DHRS7B: variants seen among roughly 807,000 people sequenced by gnomAD.
The protein encoded by DHRS7B is dehydrogenase/reductase 7B.
Under a neutral mutation model 26.4 loss-of-function variants are expected in DHRS7B, and 24 were observed. The observed-to-expected ratio is 0.91, with a 90% confidence interval of 0.66 to 1.28. The LOEUF (loss-of-function observed/expected upper bound fraction) is 1.28. Ranked by LOEUF, DHRS7B falls within the 50% of genes most tolerant of loss-of-function variation. The probability of loss-of-function intolerance (pLI) is 0.00; values close to 1 mark genes in which losing one functional copy is unlikely to be tolerated. For missense variants in DHRS7B, 368 were observed against 419.4 expected (o/e 0.88, Z 1.07); for synonymous variants, 142 against 166.4 (o/e 0.85, Z 1.13).
At chr17:21,156,571 C>T (rs1973885345) in intron 1 of DHRS7B, among the ~76,000 whole-genome samples, 1 of 150,888 alleles carries the variant, frequency 6.6e-6, no homozygotes, top group African/African-American at 2.4e-5. Flanking sequence ...CACCACTGCA[C>T]TCTATCCTGG....
chr17:21,186,085 A>G (rs1338396209), intron 5 of DHRS7B, among the ~76,000 whole-genome samples: 1 of 152,232 alleles, frequency 6.6e-6, no homozygotes, highest in Non-Finnish European at 1.5e-5. Flanking sequence ...TAAGGCATAC[A>G]ATGGTTGGTC....
Position 21,135,922 on chromosome 17 carries a change from G to A in DHRS7B, c.20+8931G>A, listed in dbSNP as rs534308801. ...TTGAATAGCTTTAACTTTTTGCCTT[G>A]TGTGTCAGGAATGCAGTTTATTTTG... On this transcript the variant is annotated intron_variant, in intron 1 of 6. Coordinates refer to ENST00000395511, the MANE Select transcript of DHRS7B (RefSeq NM_015510.5). Among the ~76,000 whole-genome samples the A allele has an allele frequency of 3.9e-5, 6 of 152,268 alleles. No homozygotes were observed. The South Asian group carries it at 1.0e-3, about 26-fold the overall frequency.
intron 1 of DHRS7B, among the ~76,000 whole-genome samples, chr17:21,129,234 G>A (rs1033886606): frequency 6.6e-6 from 1 of 152,170 alleles, no homozygotes; most frequent in Non-Finnish European, 1.5e-5. Flanking sequence ...ACATAATGGA[G>A]TCACCGGCAT....
intron 5 of DHRS7B, among the ~76,000 whole-genome samples, chr17:21,187,713 A>G (rs1050667029): frequency 1.3e-5 from 2 of 151,636 alleles, no homozygotes; most frequent in African/African-American, 4.8e-5. Context: ...AGCACTGATT[A>G]TCTCTAGGAA....
At chr17:21,181,775 G>A (rs1324641849) in intron 3 of DHRS7B, among the ~76,000 whole-genome samples, 1 of 152,150 alleles carries the variant, frequency 6.6e-6, no homozygotes, top group Non-Finnish European at 1.5e-5. Context: ...TAGAAACACA[G>A]CTGATTTTTG....
At chr17:21,132,833 G>T (rs1973268771) in intron 1 of DHRS7B, among the ~76,000 whole-genome samples, 1 of 152,108 alleles carries the variant, frequency 6.6e-6, no homozygotes, top group Admixed American at 6.6e-5. Context: ...TAAGCTTAGG[G>T]ATCTCTTCAT....
At chr17:21,167,398 T>C (rs552639507) in intron 1 of DHRS7B, among the ~76,000 whole-genome samples, 3 of 152,282 alleles carry the variant, frequency 2.0e-5, no homozygotes, top group African/African-American at 7.2e-5. Context: ...GGGATGAAAA[T>C]ATAAGCAGAC....
chr17:21,140,022 CTTTTT>C (rs201900387), intron 1 of DHRS7B, among the ~76,000 whole-genome samples: 55 of 106,656 alleles, frequency 5.2e-4, no homozygotes, highest in East Asian at 1.1e-3. Context: ...CTTTCAGATT[CTTTTT>C]TTTTTTTTTT....
At chr17:21,177,555 A>T (rs1174818875) in intron 2 of DHRS7B, among the ~76,000 whole-genome samples, 2 of 152,104 alleles carry the variant, frequency 1.3e-5, no homozygotes, top group Non-Finnish European at 2.9e-5. Context: ...AGCAGGACTG[A>T]GCCTTTTCAA....
chr17:21,172,149 G>A lies in DHRS7B; in HGVS notation c.152G>A (p.Arg51Gln), dbSNP rs750583972. ...TGGGTGCGCGGGAAGGCCTACCTGCGGAATGCTGTGGTGGTGATCACAGGC... is the reference window on the plus strand; with the variant it reads ...TGGGTGCGCGGGAAGGCCTACCTGCAGAATGCTGTGGTGGTGATCACAGGC... ...LQWVRGKAYL[R>Q]NAVVVITGAT... is the part of the protein sequence containing the mutation. The change falls in exon 2 of 7, where the codon CGG becomes CAG. Residue 51 changes from arginine to glutamine, a missense_variant. Physicochemically the swap from Arg to Gln is conservative, Grantham distance 43 (BLOSUM62 1). Coordinates refer to ENST00000395511, the MANE Select transcript of DHRS7B (RefSeq NM_015510.5). 23 of 1,613,798 alleles carry A rather than the reference G, an allele frequency of 1.4e-5. No individual in the cohort carries two copies. Among genetic ancestry groups the A allele is most frequent in the Admixed American group, 1.0e-4 (6 of 59,974 alleles).
chr17:21,136,747 G>C lies in DHRS7B; in HGVS notation c.20+9756G>C, dbSNP rs531040656. On this transcript the variant is annotated intron_variant, in intron 1 of 6. Transcript: ENST00000395511. Reference sequence around the variant, plus strand: ...ATTTTTGTATTTTTAGTAGAGACAGGGTTTCACCATGTTAGCCAGACTGGT... The same window carrying C: ...ATTTTTGTATTTTTAGTAGAGACAGCGTTTCACCATGTTAGCCAGACTGGT... Among the ~76,000 whole-genome samples the C allele has an allele frequency of 1.4e-3, 215 of 151,758 alleles. 2 individuals carry two copies. The highest frequency in any genetic ancestry group is 3.4e-3 in the Middle Eastern group (1 of 294).
At position 21,183,577 on chromosome 17, in the gene DHRS7B, C is replaced by A. The variant is rs758155459; in HGVS notation, c.310-17C>A. ...TGCCACTCAGAAAGTGAATTTGTAT[C>A]TGTTGTATTTGACCAGGTGCAGACA... On this transcript the variant is annotated splice_polypyrimidine_tract_variant and intron_variant, in intron 3 of 6. Transcript: ENST00000395511. 1 of 1,611,112 alleles carries A rather than the reference C, an allele frequency of 6.2e-7. No homozygotes were observed. Among genetic ancestry groups the A allele is most frequent in the African/African-American group, 1.3e-5 (1 of 74,874 alleles).
At chr17:21,164,969 G>A (rs1486547409) in intron 1 of DHRS7B, among the ~76,000 whole-genome samples, 2 of 152,178 alleles carry the variant, frequency 1.3e-5, no homozygotes, top group Non-Finnish European at 2.9e-5. Flanking sequence ...TGCTTGGAAC[G>A]TTTCTGAAAT....
intron 2 of DHRS7B, among the ~76,000 whole-genome samples, chr17:21,176,609 AT>A (rs1015175889): frequency 5.3e-5 from 8 of 151,996 alleles, no homozygotes; most frequent in Non-Finnish European, 1.2e-4. Flanking sequence ...TCTAAAAAAA[AT>A]ATTTTTAATA....
At chr17:21,135,876 T>C (rs1248843684) in intron 1 of DHRS7B, among the ~76,000 whole-genome samples, 1 of 152,216 alleles carries the variant, frequency 6.6e-6, no homozygotes, top group Non-Finnish European at 1.5e-5. Flanking sequence ...TCTTCCACAA[T>C]AGTCCCTGGG....
chr17:21,151,526 AAAAG>A (rs1461227645), intron 1 of DHRS7B, among the ~76,000 whole-genome samples: 3 of 151,984 alleles, frequency 2.0e-5, no homozygotes, highest in Admixed American at 1.3e-4. Flanking sequence ...AAAAAAAAAA[AAAAG>A]AAGTTGCCAC....
chr17:21,162,230 G>A (rs748325388), intron 1 of DHRS7B, among the ~76,000 whole-genome samples: 2 of 152,106 alleles, frequency 1.3e-5, no homozygotes, highest in Non-Finnish European at 2.9e-5. Context: ...AATCCCTAGC[G>A]AATGACATAC....
intron 1 of DHRS7B, among the ~76,000 whole-genome samples, chr17:21,151,309 G>C (rs1284142268): frequency 6.6e-6 from 1 of 152,000 alleles, no homozygotes; most frequent in Non-Finnish European, 1.5e-5. Flanking sequence ...TTCAAGACCA[G>C]CCTGGCCAAG....
At chr17:21,171,812 G>A (rs552953939) in intron 1 of DHRS7B, 15 of 703,004 alleles carry the variant, frequency 2.1e-5, no homozygotes, top group South Asian at 4.5e-5. Flanking sequence ...TTTTCTGTCC[G>A]CTCATGTCAG....
Sources: allele counts gnomAD v4.1 joint callset (sites outside exome capture counted in the v4.1 genomes callset), GRCh38; gene constraint gnomAD v4.1.1; transcripts MANE v1.5; gene names NCBI Gene and HGNC (gene_info 2026-07-23, HGNC 2026-07-21).